Variants in PIK3C2G observed in about 807,000 individuals in gnomAD.
PIK3C2G encodes the protein phosphatidylinositol 3-kinase C2 domain-containing subunit gamma.
Under a neutral mutation model 181.1 loss-of-function variants are expected in PIK3C2G, and 168 were observed. That is an observed-to-expected ratio of 0.93 (90% CI 0.82 to 1.05). The LOEUF is 1.05. Among genes scored for constraint, PIK3C2G ranks in the 50% least tolerant of loss-of-function variants. The pLI, the probability that PIK3C2G is intolerant of heterozygous loss-of-function variation, is 0.00. For missense variants in PIK3C2G, 1,869 were observed against 1,732.8 expected (o/e 1.08, Z -1.40); for synonymous variants, 573 against 592.2 (o/e 0.97, Z 0.47).
intron 16 of PIK3C2G, among the ~76,000 whole-genome samples, chr12:18,418,504 A>G (rs936598906): frequency 2.0e-5 from 3 of 152,184 alleles, no homozygotes; most frequent in Non-Finnish European, 4.4e-5. Context: ...AGGGAGGTTT[A>G]TTAGATATAG....
chr12:18,258,459 G>A (rs991499416), upstream of PIK3C2G, among the ~76,000 whole-genome samples: 4 of 151,892 alleles, frequency 2.6e-5, no homozygotes, highest in Non-Finnish European at 5.9e-5. Context: ...ACAGCTTCTG[G>A]TGACCACCAT....
intron 13 of PIK3C2G, among the ~76,000 whole-genome samples, chr12:18,374,549 C>CTAGA (rs1382937575): frequency 1.3e-5 from 2 of 152,174 alleles, no homozygotes; most frequent in African/African-American, 4.8e-5. Context: ...AGAACAAGAA[C>CTAGA]TAGAATGCAG....
chr12:18,484,577 G>T (rs1165682141), intron 18 of PIK3C2G, among the ~76,000 whole-genome samples: 1 of 152,122 alleles, frequency 6.6e-6, no homozygotes, highest in East Asian at 1.9e-4. Flanking sequence ...CCCATATAAT[G>T]CTCTTTATAT....
chr12:18,328,138 GA>G (rs894876949), intron 8 of PIK3C2G, among the ~76,000 whole-genome samples: 4 of 151,884 alleles, frequency 2.6e-5, no homozygotes, highest in African/African-American at 9.7e-5. Context: ...AACCAGGGTT[GA>G]GGAAAAATCA....
At chr12:18,425,601 A>T (rs1945761527) in intron 18 of PIK3C2G, among the ~76,000 whole-genome samples, 1 of 151,988 alleles carries the variant, frequency 6.6e-6, no homozygotes, top group Non-Finnish European at 1.5e-5. Context: ...CACATTGGCC[A>T]GGATTGTCTT....
At chr12:18,483,854 T>A (rs919197970) in intron 18 of PIK3C2G, among the ~76,000 whole-genome samples, 1 of 152,250 alleles carries the variant, frequency 6.6e-6, no homozygotes, top group Non-Finnish European at 1.5e-5. Flanking sequence ...TTCTCATTCA[T>A]GTAGGACTCA....
intron 8 of PIK3C2G, among the ~76,000 whole-genome samples, chr12:18,329,451 A>C (rs539409542): frequency 2.0e-5 from 3 of 151,988 alleles, no homozygotes; most frequent in Non-Finnish European, 4.4e-5. Context: ...TTATCATTTC[A>C]TCACCAAAGT....
intron 18 of PIK3C2G, among the ~76,000 whole-genome samples, chr12:18,451,670 C>T (rs1450908422): frequency 2.0e-5 from 3 of 152,158 alleles, no homozygotes; most frequent in African/African-American, 7.2e-5. Context: ...AAAGGAAATA[C>T]TTCCAGCTTT....
chr12:18,628,785 C>G (rs997252010), intron 31 of PIK3C2G, among the ~76,000 whole-genome samples: 1 of 152,028 alleles, frequency 6.6e-6, no homozygotes, highest in South Asian at 2.1e-4. Context: ...TATCAAGTGT[C>G]CCTGAAATCT....
At position 18,292,821 on chromosome 12, in the gene PIK3C2G, G is replaced by A. The variant is rs540877538; in HGVS notation, c.920-1080G>A. Among the ~76,000 whole-genome samples the A allele has an allele frequency of 5.9e-5, 9 of 152,250 alleles. No individual in the cohort carries two copies. The South Asian group carries it at 1.2e-3, about 21-fold the overall frequency. On this transcript the variant is annotated intron_variant, in intron 4 of 32. Coordinates refer to ENST00000538779, the MANE Select transcript of PIK3C2G (RefSeq NM_001288772.2). ...ACATGGGAAAGGAAGAAGAACCAAC[G>A]GTGGATTTGGAGTCTGACAGATCTT...
At chr12:18,550,596 G>A (rs1944678088) in intron 26 of PIK3C2G, among the ~76,000 whole-genome samples, 1 of 151,852 alleles carries the variant, frequency 6.6e-6, no homozygotes, top group Non-Finnish European at 1.5e-5. Context: ...TTAATTCATA[G>A]ATAGATAATT....
chr12:18,511,081 G>GA (rs1439313998), intron 24 of PIK3C2G, among the ~76,000 whole-genome samples: 1 of 123,428 alleles, frequency 8.1e-6, no homozygotes, highest in Non-Finnish European at 1.7e-5. Context: ...GAGATCATGT[G>GA]ATTTTTTCTG....
the PIK3C2G span, among the ~76,000 whole-genome samples, chr12:18,699,339 C>A: frequency 6.6e-6 from 1 of 152,204 alleles, no homozygotes; most frequent in Non-Finnish European, 1.5e-5. Context: ...TTTATTACCG[C>A]CTTCCTGCCT....
intron 31 of PIK3C2G, among the ~76,000 whole-genome samples, chr12:18,620,412 T>C (rs546340621): frequency 3.9e-5 from 6 of 152,148 alleles, no homozygotes; most frequent in South Asian, 4.1e-4. Context: ...AGCTTTCTTT[T>C]GATTAATATT....
At chr12:18,475,238 C>CT (rs961614262) in intron 18 of PIK3C2G, among the ~76,000 whole-genome samples, 4 of 150,620 alleles carry the variant, frequency 2.7e-5, no homozygotes, top group African/African-American at 9.7e-5. Flanking sequence ...TAGAGTCTGA[C>CT]TTTTTTTTTG....
chr12:18,602,065 C>T (rs1038794493), intron 30 of PIK3C2G, among the ~76,000 whole-genome samples: 8 of 152,116 alleles, frequency 5.3e-5, no homozygotes, highest in African/African-American at 1.2e-4. Flanking sequence ...GGCACGAATC[C>T]GGCTTGGAGA....
At chr12:18,558,546 T>G (rs1260496692) in intron 26 of PIK3C2G, among the ~76,000 whole-genome samples, 1 of 152,180 alleles carries the variant, frequency 6.6e-6, no homozygotes, top group Non-Finnish European at 1.5e-5. Context: ...GCCCTTTAGG[T>G]CTTTGATTCC....
chr12:18,642,805 TGTGTGTGTGTGTGTG>T (rs1193720287), intron 32 of PIK3C2G, among the ~76,000 whole-genome samples: 3 of 150,254 alleles, frequency 2.0e-5, no homozygotes, highest in African/African-American at 7.5e-5. Context: ...TGTGTGTGTG[TGTGTGTGTGTGTGTG>T]TGTATAAAAT....
chr12:18,427,994 T>C (rs1345498208), intron 18 of PIK3C2G, among the ~76,000 whole-genome samples: 2 of 152,106 alleles, frequency 1.3e-5, no homozygotes, highest in Admixed American at 6.5e-5. Flanking sequence ...ACATGTGTCA[T>C]GGGGATTTAT....
Sources: gnomAD v4.1 joint callset for allele counts (sites outside exome capture counted in the v4.1 genomes callset) on GRCh38, gnomAD v4.1.1 for gene constraint, MANE v1.5 for transcripts, NCBI Gene and HGNC (gene_info 2026-07-23, HGNC 2026-07-21) for gene names.